KLHL1: variants seen among roughly 807,000 people sequenced by gnomAD.
The protein encoded by KLHL1 is kelch like family member 1, also known as kelch-like protein 1.
In KLHL1, 47 loss-of-function variants were observed where a neutral mutation model predicts 77.7. The observed-to-expected ratio is 0.60, with a 90% confidence interval of 0.48 to 0.77. KLHL1 has a LOEUF of 0.77. Among genes scored for constraint, KLHL1 ranks in the 30% least tolerant of loss-of-function variants. The pLI is 0.00. For missense variants in KLHL1, 925 were observed against 910.8 expected, an observed-to-expected ratio of 1.02 and a Z score of -0.20; for synonymous variants, 360 against 325.2, an observed-to-expected ratio of 1.11 and a Z score of -1.15.
chr13:69,818,471 G>A (rs995756100), intron 6 of KLHL1, among the ~76,000 whole-genome samples: 9 of 151,760 alleles, frequency 5.9e-5, no homozygotes, highest in Admixed American at 5.3e-4. Flanking sequence ...CACCCACCTC[G>A]GCCTCCCAAA....
At chr13:69,964,993 G>T (rs1884172206) in intron 2 of KLHL1, among the ~76,000 whole-genome samples, 1 of 152,026 alleles carries the variant, frequency 6.6e-6, no homozygotes, top group Non-Finnish European at 1.5e-5. Flanking sequence ...GAAGGGAGCT[G>T]GCCTTTAGTT....
At chr13:69,758,223 T>G (rs1211977317) in intron 7 of KLHL1, among the ~76,000 whole-genome samples, 1 of 152,080 alleles carries the variant, frequency 6.6e-6, no homozygotes, top group Non-Finnish European at 1.5e-5. Context: ...TACTAAATTC[T>G]TGTTCAAAAG....
chr13:69,955,990 T>TTATTTGATATATATTTATATA (rs1331023434), intron 3 of KLHL1, among the ~76,000 whole-genome samples: 2 of 106,882 alleles, frequency 1.9e-5, no homozygotes, highest in Admixed American at 1.0e-4. Flanking sequence ...ATTTATATAT[T>TTATTTGATATATATTTATATA]TATTTGATAT....
At chr13:69,927,350 C>T (rs960477827) in intron 4 of KLHL1, among the ~76,000 whole-genome samples, 2 of 152,050 alleles carry the variant, frequency 1.3e-5, no homozygotes, top group African/African-American at 4.8e-5. Flanking sequence ...ATTGGTTAAA[C>T]GTTCCTTAAC....
At chr13:69,986,997 TA>T (rs1345699939) in intron 1 of KLHL1, among the ~76,000 whole-genome samples, 1 of 144,096 alleles carries the variant, frequency 6.9e-6, no homozygotes, top group Non-Finnish European at 1.5e-5. Context: ...GTACTTTTTT[TA>T]GATCATGAAC....
chr13:69,944,978 CTTTTTTTTTTTT>C (rs750774784), intron 3 of KLHL1, among the ~76,000 whole-genome samples: 5 of 79,860 alleles, frequency 6.3e-5, no homozygotes, highest in East Asian at 7.6e-4. Context: ...TATAAAACTT[CTTTTTTTTTTTT>C]TTTTTTTTTT....
intron 5 of KLHL1, among the ~76,000 whole-genome samples, chr13:69,861,785 T>TAAAAAA (rs34408474): frequency 1.3e-4 from 11 of 86,006 alleles, no homozygotes; most frequent in African/African-American, 3.3e-4. Flanking sequence ...CCGTCTCTAC[T>TAAAAAA]AAAAAAAAAA....
At chr13:69,924,898 C>T (rs1389606407) in intron 4 of KLHL1, among the ~76,000 whole-genome samples, 1 of 152,226 alleles carries the variant, frequency 6.6e-6, no homozygotes, top group African/African-American at 2.4e-5. Flanking sequence ...CCAGCCACAG[C>T]CTTGCAGGGA....
At chr13:69,888,948 C>T (rs1048323626) in intron 4 of KLHL1, among the ~76,000 whole-genome samples, 1 of 151,846 alleles carries the variant, frequency 6.6e-6, no homozygotes, top group African/African-American at 2.4e-5. Flanking sequence ...TACTAGCTTT[C>T]CCATGTCCCT....
intron 1 of KLHL1, among the ~76,000 whole-genome samples, chr13:70,042,348 A>G (rs1283841115): frequency 2.6e-5 from 4 of 151,992 alleles, no homozygotes; most frequent in Non-Finnish European, 4.4e-5. Flanking sequence ...GTAATAATTA[A>G]CTTTAATAAT....
chr13:70,069,384 G>T (rs1416600782), intron 1 of KLHL1, among the ~76,000 whole-genome samples: 2 of 152,124 alleles, frequency 1.3e-5, no homozygotes, highest in Non-Finnish European at 2.9e-5. Context: ...CCTATCAAGA[G>T]AAACATAAAG....
chr13:70,044,519 T>G (rs1194519515), intron 1 of KLHL1, among the ~76,000 whole-genome samples: 1 of 150,498 alleles, frequency 6.6e-6, no homozygotes, highest in Non-Finnish European at 1.5e-5. Context: ...CATTTTAATG[T>G]TTTTTTTTGT....
At chr13:69,739,593 G>T (rs1263883857) in intron 8 of KLHL1, among the ~76,000 whole-genome samples, 1 of 152,188 alleles carries the variant, frequency 6.6e-6, no homozygotes, top group South Asian at 2.1e-4. Context: ...AGCAGGGGTT[G>T]CAATCCTAGT....
At chr13:70,023,954 A>G (rs1264079565) in intron 1 of KLHL1, among the ~76,000 whole-genome samples, 2 of 151,894 alleles carry the variant, frequency 1.3e-5, no homozygotes, top group Admixed American at 6.6e-5. Flanking sequence ...TTAGAAACGT[A>G]TATAGTTTTT....
chr13:69,747,145 G>A (rs897801476), intron 7 of KLHL1, among the ~76,000 whole-genome samples: 3 of 152,010 alleles, frequency 2.0e-5, no homozygotes, highest in Admixed American at 1.3e-4. Flanking sequence ...TCTCTCTGAT[G>A]ACTTTAAGAA....
chr13:69,709,889 AACTT>A (rs34709071), intron 9 of KLHL1, among the ~76,000 whole-genome samples: 30,026 of 151,692 alleles, frequency 0.2, 3,745 homozygotes, highest in South Asian at 0.33. Flanking sequence ...TAGTACAAAT[AACTT>A]TAAAGTGAAT....
At position 69,742,375 on chromosome 13, in the gene KLHL1, T is replaced by C. The variant is rs528975233; in HGVS notation, c.1640-1819A>G. 7.2e-5 allele frequency among the ~76,000 whole-genome samples: 11 copies of C among 152,276 alleles called. 2 individuals are homozygous for C. In the South Asian group the frequency reaches 2.3e-3, roughly 32 times the overall value. On this transcript the variant is annotated intron_variant, in intron 7 of 10. Transcript: ENST00000377844. ...TCCGGAAAAAAGGACACTCAGTAAC[T>C]TGACTTTAAAGATGTGCAGAAATAT...
chr13:70,049,964 G>T (rs986237630), intron 1 of KLHL1, among the ~76,000 whole-genome samples: 1 of 151,678 alleles, frequency 6.6e-6, no homozygotes, highest in East Asian at 1.9e-4. Flanking sequence ...AATGAAAAAT[G>T]AATCAGACTA....
intron 8 of KLHL1, among the ~76,000 whole-genome samples, chr13:69,729,267 A>C (rs1873436435): frequency 6.6e-6 from 1 of 152,120 alleles, no homozygotes; most frequent in African/African-American, 2.4e-5. Context: ...AAGCCTCACT[A>C]AATTTGTTAT....
Sources: gnomAD v4.1 joint callset for allele counts (sites outside exome capture counted in the v4.1 genomes callset) on GRCh38, gnomAD v4.1.1 for gene constraint, MANE v1.5 for transcripts, NCBI Gene and HGNC (gene_info 2026-07-23, HGNC 2026-07-21) for gene names.